VPS13D: variants seen among roughly 807,000 people sequenced by gnomAD.
VPS13D encodes the protein intermembrane lipid transfer protein VPS13D.
VPS13D carries 187 observed loss-of-function variants against 461.9 expected under a neutral mutation model. The ratio of observed to expected loss-of-function variants is 0.40; its 90% CI spans 0.36 to 0.46. The LOEUF is 0.46. Among genes scored for constraint, VPS13D ranks in the 20% least tolerant of loss-of-function variants. The pLI is 0.60. For synonymous variants in VPS13D, 1,951 were observed against 1,986.3 expected (o/e 0.98, Z 0.47); for missense variants, 4,711 against 5,364.9 (o/e 0.88, Z 3.81).
chr1:12,250,515 C>A (rs886594952), intron 6 of VPS13D, among the ~76,000 whole-genome samples: 1 of 152,214 alleles, frequency 6.6e-6, no homozygotes, highest in African/African-American at 2.4e-5. Context: ...CCTGTGTATT[C>A]CATCTGCCCA....
intron 65 of VPS13D, among the ~76,000 whole-genome samples, chr1:12,423,303 C>T (rs547345048): frequency 5.9e-5 from 9 of 152,230 alleles, no homozygotes; most frequent in African/African-American, 2.2e-4. Flanking sequence ...GTACTGGCAT[C>T]TCAGTTCTCA....
intron 10 of VPS13D, among the ~76,000 whole-genome samples, chr1:12,260,425 T>C (rs1023850958): frequency 9.8e-5 from 15 of 152,286 alleles, no homozygotes; most frequent in East Asian, 9.6e-4. Flanking sequence ...ATTTTTTTTT[T>C]CCCCTTCTTT....
rs1646177875 is a variant in VPS13D, at chr1:12,511,249, G to C, written c.*2225G>C. ...CAAGCACTTTGACATTTGCACCTTAGGAGAGGCAGATGTTAAAATGGAATC... is the reference window on the plus strand; with the variant it reads ...CAAGCACTTTGACATTTGCACCTTACGAGAGGCAGATGTTAAAATGGAATC... On this transcript the variant is annotated 3_prime_UTR_variant, in exon 70 of 70. Transcript: ENST00000620676. This position sits in a 1 kb window ranked among gnomAD's most constrained non-coding sequence, Gnocchi z 4.5. The C allele has an allele frequency of 6.6e-6, 1 of 152,136 alleles. No homozygotes were observed. The highest frequency in any genetic ancestry group is 2.4e-5 in the African/African-American group (1 of 41,414). The allele number at this position is 152,136 out of a possible 1,614,324, so 9.4% of individuals were successfully genotyped here.
chr1:12,356,433 A>G lies in VPS13D; in HGVS notation c.9907A>G (p.Thr3303Ala). The G allele has an allele frequency of 1.2e-6, 2 of 1,614,100 alleles. No homozygotes were observed. Among genetic ancestry groups the G allele is most frequent in the Non-Finnish European group, 1.7e-6 (2 of 1,180,006 alleles). ...PLIFRQDNAK[T>A]DAAGQFEEHE... ...GATCTTCAGACAGGACAATGCCAAG[A>G]CAGATGCTGCAGGCCAGTTTGAGGA... Residue 3303 changes from threonine (T) to alanine (A), a missense_variant, in exon 49 of 70, where the codon ACA (threonine) becomes GCA (alanine). Transcript: ENST00000620676.
chr1:12,271,393 G>A (rs572204693), intron 17 of VPS13D, among the ~76,000 whole-genome samples: 86 of 152,268 alleles, frequency 5.6e-4, no homozygotes, highest in African/African-American at 1.9e-3. Context: ...TTTGTGCTGG[G>A]TGCTATGGCT....
intron 65 of VPS13D, among the ~76,000 whole-genome samples, chr1:12,449,984 G>A (rs1417523316): frequency 6.6e-6 from 1 of 152,054 alleles, no homozygotes; most frequent in East Asian, 1.9e-4. Context: ...AATTAGCCAG[G>A]CGTGGTGGCA....
chr1:12,368,551 ATCAGTTACC>A lies in VPS13D; in HGVS notation c.10535_10543del (p.Gln3512_Pro3514del). On this transcript the variant is annotated inframe_deletion, in exon 53 of 70. Transcript: ENST00000620676. ...TATAGGATCTCATTTAGTGACACAGATCAGTTACCTCCTCCTTTCCGAATTGACAACTTT... is the reference window on the plus strand; with the variant it reads ...TATAGGATCTCATTTAGTGACACAGATCCTCCTTTCCGAATTGACAACTTT... 6.2e-7 allele frequency: 1 copy of A among 1,613,790 alleles called. No individual in the cohort carries two copies. The highest frequency in any genetic ancestry group is 8.5e-7 in the Non-Finnish European group (1 of 1,179,834).
intron 67 of VPS13D, among the ~76,000 whole-genome samples, chr1:12,476,893 G>C (rs986953027): frequency 6.6e-6 from 1 of 152,198 alleles, no homozygotes; most frequent in Non-Finnish European, 1.5e-5. Context: ...AACCTTGTGA[G>C]GAAAATCCGA....
chr1:12,241,801 T>C (rs1368964829), intron 2 of VPS13D, among the ~76,000 whole-genome samples: 1 of 152,188 alleles, frequency 6.6e-6, no homozygotes, highest in Non-Finnish European at 1.5e-5. Context: ...GATCATAGAC[T>C]TTTGAATACT....
chr1:12,256,239 C>G, intron 7 of VPS13D, 94 bp from the exon 8 acceptor site: 1 of 1,414,084 alleles, frequency 7.1e-7, no homozygotes, highest in South Asian at 1.3e-5. Flanking sequence ...TATGGCTGAG[C>G]TCCACTGTTT....
intron 39 of VPS13D, chr1:12,336,613 G>A (rs1212436612): frequency 6.6e-6 from 1 of 152,170 alleles, no homozygotes; most frequent in Non-Finnish European, 1.5e-5. Flanking sequence ...GGGAAGATTG[G>A]GTGTTCTTAG....
intron 2 of VPS13D, among the ~76,000 whole-genome samples, chr1:12,240,992 G>T (rs1640336578): frequency 6.6e-6 from 1 of 152,048 alleles, no homozygotes; most frequent in Admixed American, 6.6e-5. Flanking sequence ...AAGGCTGGGA[G>T]TGCAGTTGTG....
chr1:12,442,825 G>A (rs1041185829), intron 65 of VPS13D, among the ~76,000 whole-genome samples: 4 of 152,000 alleles, frequency 2.6e-5, no homozygotes, highest in African/African-American at 9.7e-5. Flanking sequence ...TTGGGTTCAA[G>A]TCATCCTCCC....
rs74053833 is a variant in VPS13D, at chr1:12,268,347, G to T, written c.1802-359G>T. ...AGTCTTTGATCAGTAGTAAAAGAGGGAATGTTTTCTGTTTTGTGCGCAGTG... is the reference window on the plus strand; with the variant it reads ...AGTCTTTGATCAGTAGTAAAAGAGGTAATGTTTTCTGTTTTGTGCGCAGTG... On this transcript the variant is annotated intron_variant, in intron 15 of 69. Coordinates refer to ENST00000620676, the MANE Select transcript of VPS13D (RefSeq NM_015378.4). 7.9e-3 allele frequency among the ~76,000 whole-genome samples: 1,190 copies of T among 151,392 alleles called. 17 individuals carry two copies. Among genetic ancestry groups the T allele is most frequent in the African/African-American group, 0.027 (1,133 of 41,232 alleles).
Position 12,362,728 on chromosome 1 carries a change from G to A in VPS13D, c.10150G>A (p.Val3384Ile), listed in dbSNP as rs201699176. The stretch of plus-strand genomic sequence containing the variant: ...GTTCTTGTTATTTGTAGGTATTGAT[G>A]TCAAGAAAGGCCGAGGTCGATACAT... ...PGLIYNIGID[V>I]KKGRGRYIDT... Residue 3384 changes from valine (V) to isoleucine (I), a missense_variant, in exon 51 of 70, where the codon GTC becomes ATC. By Grantham distance (29) the Val-to-Ile change is conservative. Coordinates refer to ENST00000620676, the MANE Select transcript of VPS13D (RefSeq NM_015378.4). The A allele has an allele frequency of 1.1e-5, 18 of 1,614,032 alleles. No homozygotes were observed. The highest frequency in any genetic ancestry group is 1.4e-5 in the Non-Finnish European group (17 of 1,179,958).
At position 12,329,711 on chromosome 1, in the gene VPS13D, G is replaced by A. The variant is rs531444088; in HGVS notation, c.8198-118G>A. The A allele has an allele frequency of 5.6e-5, 38 of 678,512 alleles. No homozygotes were observed. In the African/African-American group the frequency reaches 5.8e-4, roughly 10 times the overall value. The allele number at this position is 678,512 out of a possible 1,614,324, so 42.0% of individuals were successfully genotyped here. ...AAAGTACATGATGAACAAAGTATCA[G>A]AATGTTGTGTGCTCTCCTTTGCGAG... On this transcript the variant is annotated intron_variant, in intron 36 of 69. Transcript: ENST00000620676.
rs1241244134 is a variant in VPS13D, at chr1:12,473,422, C to T, written c.12662+13026C>T. Among the ~76,000 whole-genome samples, 3 of 152,158 alleles carry T rather than the reference C, an allele frequency of 2.0e-5. No individual in the cohort carries two copies. The highest frequency in any genetic ancestry group is 7.2e-5 in the African/African-American group (3 of 41,442). ...CTGGCTGCTTCCGGCATCTGCAGTG[C>T]GAGGGTAAACAGGCCTACTGGGGAG... On this transcript the variant is annotated intron_variant, in intron 67 of 69. Coordinates refer to ENST00000620676, the MANE Select transcript of VPS13D (RefSeq NM_015378.4). This position sits in a 1 kb window ranked among gnomAD's most constrained non-coding sequence, Gnocchi z 4.2.
At chr1:12,282,602 C>A in intron 20 of VPS13D, 103 bp from the exon 21 acceptor site, 1 of 1,132,724 alleles carries the variant, frequency 8.8e-7, no homozygotes, top group Non-Finnish European at 1.3e-6. Flanking sequence ...AGGTAACTTA[C>A]AGCCTCATGT....
rs1490865433 is a variant in VPS13D, at chr1:12,260,903, T to G, written c.1213-45T>G. ...GAAACAGCAGCATATCACAGCTTGCTTTTATCTTTGAGTACTCATCTCTGC... is the reference window on the plus strand; with the variant it reads ...GAAACAGCAGCATATCACAGCTTGCGTTTATCTTTGAGTACTCATCTCTGC... On this transcript the variant is annotated intron_variant, in intron 11 of 69. Transcript: ENST00000620676. The G allele has an allele frequency of 6.2e-6, 10 of 1,613,344 alleles. No individual in the cohort carries two copies. The Admixed American group carries it at 1.2e-4, about 19-fold the overall frequency.
Sources: allele counts gnomAD v4.1 joint callset (sites outside exome capture counted in the v4.1 genomes callset), GRCh38; gene constraint gnomAD v4.1.1; non-coding constraint Gnocchi (gnomAD v3.1); transcripts MANE v1.5; gene names NCBI Gene and HGNC (gene_info 2026-07-23, HGNC 2026-07-21).